APC: variants seen among roughly 807,000 people sequenced by gnomAD.
APC encodes the protein adenomatous polyposis coli protein.
In APC, 72 loss-of-function variants were observed where a neutral mutation model predicts 247.0. That is an observed-to-expected ratio of 0.29 (90% CI 0.24 to 0.35). The LOEUF (loss-of-function observed/expected upper bound fraction) is 0.35, where lower values mean the gene tolerates loss of function less well. APC is among the 10% of genes least tolerant of loss of function. The pLI is 1.00. For missense variants in APC, 3,400 were observed against 3,360.7 expected, an observed-to-expected ratio of 1.01 and a Z score of -0.29; for synonymous variants, 1,254 against 1,162.5, an observed-to-expected ratio of 1.08 and a Z score of -1.60.
At chr5:112,835,190 T>C (rs779459996) in intron 15 of APC, 25 bp downstream of exon 15, 2 of 1,576,352 alleles carry the variant, frequency 1.3e-6, no homozygotes, top group African/African-American at 2.7e-5. Context: ...TTATATTACT[T>C]TTAAAGTACA....
At chr5:112,744,855 G>A (rs189992736) in intron 1 of APC, among the ~76,000 whole-genome samples, 20 of 152,318 alleles carry the variant, frequency 1.3e-4, no homozygotes, top group Non-Finnish European at 2.9e-4. Context: ...TTGAGAGCAT[G>A]AGCATTAAAA....
Position 112,843,195 on chromosome 5 carries a change from A to T in APC, c.7601A>T (p.Glu2534Val), listed in dbSNP as rs2149990384. Residue 2534 changes from glutamate to valine, a missense_variant, in exon 16 of 16, where the codon GAA becomes GTA. Glu to Val is a moderately radical substitution (Grantham distance 121). Coordinates refer to ENST00000257430, the MANE Select transcript of APC (RefSeq NM_000038.6). The surrounding 1 kb of genome is among the most constrained non-coding windows in gnomAD (Gnocchi z 4.8). ...KRHDIARSHS[E>V]SPSRLPINRS... ...CATGATATTGCACGGTCTCATTCTG[A>T]AAGTCCTTCTAGACTTCCAATCAAT... 1 of 1,613,228 alleles carries T rather than the reference A, an allele frequency of 6.2e-7. No homozygotes were observed. Among genetic ancestry groups the T allele is most frequent in the Non-Finnish European group, 8.5e-7 (1 of 1,179,208 alleles).
chr5:112,738,780 A>G (rs1488071688), intron 1 of APC, among the ~76,000 whole-genome samples: 1 of 152,248 alleles, frequency 6.6e-6, no homozygotes, highest in African/African-American at 2.4e-5. Flanking sequence ...ACTGTTTTTT[A>G]AAGTAGGAAT....
intron 14 of APC, among the ~76,000 whole-genome samples, chr5:112,831,262 C>T (rs1329822108): frequency 1.3e-5 from 2 of 152,172 alleles, no homozygotes; most frequent in Admixed American, 6.5e-5. Flanking sequence ...GCATGCGCCA[C>T]CATGCCCAGC....
At chr5:112,773,534 A>C (rs1580351598) in intron 4 of APC, among the ~76,000 whole-genome samples, 1 of 152,184 alleles carries the variant, frequency 6.6e-6, no homozygotes, top group South Asian at 2.1e-4. Flanking sequence ...TATTGACCTG[A>C]AGCCTTACTG....
At chr5:112,743,733 GCT>G (rs1463626624) in intron 1 of APC, among the ~76,000 whole-genome samples, 1 of 152,102 alleles carries the variant, frequency 6.6e-6, no homozygotes, top group Non-Finnish European at 1.5e-5. Context: ...TTCTGTGGGC[GCT>G]TTGTTGAAAC....
In APC at chr5:112,799,800, C is replaced by T. The variant is rs74451314; in HGVS notation, c.730-1479C>T. 7.9e-3 allele frequency among the ~76,000 whole-genome samples: 1,198 copies of T among 152,126 alleles called. 14 individuals carry two copies. The highest frequency in any genetic ancestry group is 0.027 in the African/African-American group (1,113 of 41,510). On this transcript the variant is annotated intron_variant, in intron 7 of 15. Transcript: ENST00000257430. ...TTGGTGCTTCATCCACACCATGATT[C>T]GTTGACACGCTAAAACAAGCCACAC...
chr5:112,818,666 A>C (rs937347237), intron 9 of APC, among the ~76,000 whole-genome samples: 1 of 152,190 alleles, frequency 6.6e-6, no homozygotes, highest in African/African-American at 2.4e-5. Context: ...CAACTTATCT[A>C]GGCAAACAGC....
intron 1 of APC, among the ~76,000 whole-genome samples, chr5:112,740,985 C>T (rs771306987): frequency 1.3e-5 from 2 of 152,088 alleles, no homozygotes; most frequent in African/African-American, 4.8e-5. Context: ...TTTGATCTCC[C>T]TTCTCCCCCT....
At chr5:112,717,921 T>C (rs1018270467) in intron 1 of APC, among the ~76,000 whole-genome samples, 11 of 130,788 alleles carry the variant, frequency 8.4e-5, no homozygotes, top group African/African-American at 2.8e-4. Context: ...TTTTTTTTTT[T>C]TTTTTTTTTT....
rs148592182 is a variant in APC at position 112,841,279 on chromosome 5, C to T, written c.5685C>T (p.Thr1895=). The stretch of plus-strand genomic sequence containing the variant: ...ATAAGGAATCAGAGGCTAAAGTTAC[C>T]AGCCACACAGAACTAACCTCCAACC... ...KENKESEAKV[T]SHTELTSNQQ... is the part of the protein sequence containing the mutation. The change falls in exon 16 of 16, where the codon ACC becomes ACT. Residue 1895 remains threonine (T), a synonymous_variant. Transcript: ENST00000257430. This position sits in a 1 kb window ranked among gnomAD's most constrained non-coding sequence, Gnocchi z 4.6. The T allele has an allele frequency of 6.2e-7, 1 of 1,613,668 alleles. No homozygotes were observed. The highest frequency in any genetic ancestry group is 1.1e-5 in the South Asian group (1 of 91,072).
intron 1 of APC, among the ~76,000 whole-genome samples, chr5:112,717,609 T>C (rs985430664): frequency 2.0e-5 from 3 of 152,180 alleles, no homozygotes; most frequent in Non-Finnish European, 2.9e-5. Context: ...TTCATTGTTA[T>C]TGAGACCTCA....
intron 2 of APC, among the ~76,000 whole-genome samples, chr5:112,758,237 T>C (rs1488881633): frequency 2.0e-5 from 3 of 152,390 alleles, no homozygotes; most frequent in Non-Finnish European, 2.9e-5. Context: ...GAATTATAGC[T>C]AATCTTAAAA....
At chr5:112,799,994 A>T (rs948099847) in intron 7 of APC, among the ~76,000 whole-genome samples, 1 of 152,140 alleles carries the variant, frequency 6.6e-6, no homozygotes, top group African/African-American at 2.4e-5. Flanking sequence ...TCTCTCTGTT[A>T]TATATATTTA....
intron 1 of APC, among the ~76,000 whole-genome samples, chr5:112,725,391 T>C (rs1198684333): frequency 2.0e-5 from 3 of 152,170 alleles, no homozygotes; most frequent in Non-Finnish European, 4.4e-5. Flanking sequence ...GAAGTCACTG[T>C]TGTTTCTTGA....
At chr5:112,794,533 C>T (rs758397937) in intron 7 of APC, among the ~76,000 whole-genome samples, 1 of 152,206 alleles carries the variant, frequency 6.6e-6, no homozygotes, top group Admixed American at 6.5e-5. Flanking sequence ...AGTCACAAGA[C>T]TGTCCACTTC....
chr5:112,822,414 G>A (rs1763237992), intron 11 of APC, among the ~76,000 whole-genome samples: 1 of 152,114 alleles, frequency 6.6e-6, no homozygotes, highest in South Asian at 2.1e-4. Flanking sequence ...TATTAAGATT[G>A]TCATTTATCT....
intron 1 of APC, among the ~76,000 whole-genome samples, chr5:112,727,978 C>T (rs1406357028): frequency 2.0e-5 from 3 of 151,896 alleles, no homozygotes; most frequent in Admixed American, 6.6e-5. Context: ...TTTATCCCTC[C>T]ATAGGAAAGG....
intron 4 of APC, among the ~76,000 whole-genome samples, chr5:112,772,257 G>A (rs1200251437): frequency 6.6e-6 from 1 of 152,142 alleles, no homozygotes; most frequent in Non-Finnish European, 1.5e-5. Flanking sequence ...GACTCTGCCT[G>A]TTCTGAGTCT....
Sources: allele counts gnomAD v4.1 joint callset (sites outside exome capture counted in the v4.1 genomes callset), GRCh38; gene constraint gnomAD v4.1.1; non-coding constraint Gnocchi (gnomAD v3.1); transcripts MANE v1.5; gene names NCBI Gene and HGNC (gene_info 2026-07-23, HGNC 2026-07-21).